The following MLH3 variants were observed in gnomAD, a reference collection of about 807,000 sequenced individuals.
The protein encoded by MLH3 is DNA mismatch repair protein Mlh3.
A neutral mutation model predicts 122.2 loss-of-function variants in MLH3; 82 were observed. The ratio of observed to expected loss-of-function variants is 0.67; its 90% CI spans 0.56 to 0.81. The LOEUF (loss-of-function observed/expected upper bound fraction) is 0.81. Ranked by LOEUF, MLH3 falls within the 30% of genes least tolerant of loss-of-function variation. MLH3 has a pLI of 0.00. For missense variants in MLH3, 1,539 were observed against 1,714.5 expected, an observed-to-expected ratio of 0.90 and a Z score of 1.81; for synonymous variants, 524 against 599.5, an observed-to-expected ratio of 0.87 and a Z score of 1.84.
intron 9 of MLH3, among the ~76,000 whole-genome samples, chr14:75,025,533 G>C (rs1483754016): frequency 6.6e-6 from 1 of 152,082 alleles, no homozygotes; most frequent in African/African-American, 2.4e-5. Flanking sequence ...GAGCTTTCCA[G>C]ACCTTTTCCA....
Position 75,048,343 on chromosome 14 carries a change from G to T in MLH3, c.1313C>A (p.Ala438Glu), listed in dbSNP as rs1343282239. 1.2e-6 allele frequency: 2 copies of T among 1,613,610 alleles called. No individual in the cohort carries two copies. Among genetic ancestry groups the T allele is most frequent in the African/African-American group, 1.3e-5 (1 of 74,916 alleles). The change falls in exon 2 of 13, where the codon GCA becomes GAA. Residue 438 changes from alanine to glutamate, a missense_variant. Ala to Glu is a moderately radical substitution (Grantham distance 107, BLOSUM62 -1). Transcript: ENST00000355774. Reference protein sequence around the residue: ...SEATRKNTNDAFLYIYESGGP... With the variant: ...SEATRKNTNDEFLYIYESGGP... ...ACCTGATTCATAAATGTACAAAAATGCATCATTTGTATTTTTTCTGGTAGC... is the reference window on the plus strand; with the variant it reads ...ACCTGATTCATAAATGTACAAAAATTCATCATTTGTATTTTTTCTGGTAGC...
Position 75,047,644 on chromosome 14 carries a change from T to C in MLH3, c.2012A>G (p.Asn671Ser). 1.9e-6 allele frequency: 3 copies of C among 1,614,042 alleles called. No individual in the cohort carries two copies. The highest frequency in any genetic ancestry group is 2.5e-6 in the Non-Finnish European group (3 of 1,179,962). Residue 671 changes from asparagine (N) to serine (S), a missense_variant, in exon 2 of 13, where the codon AAC becomes AGC. Coordinates refer to ENST00000355774, the MANE Select transcript of MLH3 (RefSeq NM_001040108.2). ...TATATTCGTTCTGCAATTTTTTTTG[T>C]TGGGCAATTGACCAGATTCTTTACT... The part of the protein sequence containing the change: ...TLSKESGQLP[N>S]KKNCRTNISY...
chr14:75,030,992 GCTGGCACTTAAGGGAGT>G (rs1891012211), intron 8 of MLH3, among the ~76,000 whole-genome samples: 2 of 152,226 alleles, frequency 1.3e-5, no homozygotes, highest in African/African-American at 4.8e-5. Context: ...ACTTCTGGCT[GCTGGCACTTAAGGGAGT>G]CTGGCATGAA....
intron 6 of MLH3, 107 bp from the exon 7 acceptor site, chr14:75,033,597 G>T: frequency 1.2e-6 from 1 of 805,014 alleles, no homozygotes. Context: ...AACAGCATAA[G>T]ACAAAACATT....
chr14:75,027,688 A>AAAAAAAAAAAAAAC (rs1566580542), intron 9 of MLH3, among the ~76,000 whole-genome samples: 1 of 134,546 alleles, frequency 7.4e-6, no homozygotes, highest in Non-Finnish European at 1.6e-5. Flanking sequence ...AAAAAAAAAA[A>AAAAAAAAAAAAAAC]AAAAAACCCA....
At chr14:75,022,674 T>C (rs1890361469) in intron 11 of MLH3, 140 bp downstream of exon 11, 1 of 853,898 alleles carries the variant, frequency 1.2e-6, no homozygotes, top group Non-Finnish European at 2.0e-6. Flanking sequence ...TTTAAAAGGG[T>C]ATATTCAGTT....
intron 9 of MLH3, 26 bp downstream of exon 9, chr14:75,030,516 TC>T (rs1341946479): frequency 6.2e-7 from 1 of 1,611,542 alleles, no homozygotes; most frequent in East Asian, 2.2e-5. Flanking sequence ...CTCAGCAATT[TC>T]CTTAACATCT....
chr14:75,019,073 CAT>C, intron 11 of MLH3, 93 bp from the exon 12 acceptor site: 3 of 1,179,990 alleles, frequency 2.5e-6, no homozygotes, highest in South Asian at 2.5e-5. Context: ...GAAAAAGTAA[CAT>C]GTTTCTTAGG....
Position 75,048,140 on chromosome 14 carries a change from C to T in MLH3, c.1516G>A (p.Glu506Lys). The T allele has an allele frequency of 6.2e-7, 1 of 1,614,198 alleles. No individual in the cohort carries two copies. The highest frequency in any genetic ancestry group is 8.5e-7 in the Non-Finnish European group (1 of 1,180,012). The change falls in exon 2 of 13, where the codon GAA becomes AAA. Residue 506 changes from glutamate to lysine, a missense_variant. By Grantham distance (56) the Glu-to-Lys change is moderately conservative. Coordinates refer to ENST00000355774, the MANE Select transcript of MLH3 (RefSeq NM_001040108.2). Reference sequence around the variant, plus strand: ...GTCTGAAAAGGGCTTAAAAACATTTCTAAACTGGTTCCACACGGATTTTCT... The same window carrying T: ...GTCTGAAAAGGGCTTAAAAACATTTTTAAACTGGTTCCACACGGATTTTCT... The part of the protein sequence containing the change: ...SLENPCGTSL[E>K]MFLSPFQTPC...
chr14:75,041,161 T>C (rs1385775015), intron 4 of MLH3, among the ~76,000 whole-genome samples: 1 of 152,194 alleles, frequency 6.6e-6, no homozygotes, highest in Non-Finnish European at 1.5e-5. Context: ...CTTGAACTTC[T>C]GGCCTCAAGT....
chr14:75,046,760 A>G lies in MLH3; in HGVS notation c.2896T>C (p.Ser966Pro), dbSNP rs17782839. Reference protein sequence around the residue: ...NSNTTENCVISETPLVLPYNN... With the variant: ...NSNTTENCVIPETPLVLPYNN... The stretch of plus-strand genomic sequence containing the variant: ...TAGGGCAATACCAAAGGAGTTTCTG[A>G]TATCACACAGTTCTCTGTTGTATTG... The change falls in exon 2 of 13, where the codon TCA becomes CCA. Residue 966 changes from serine (S) to proline (P), a missense_variant. Transcript: ENST00000355774. 0.016 allele frequency: 26,106 copies of G among 1,614,142 alleles called. 341 individuals carry two copies. The highest frequency in any genetic ancestry group is 0.042 in the South Asian group (3,795 of 91,080).
rs1892413384 is a variant in MLH3, at chr14:75,048,344, C to A, written c.1312G>T (p.Ala438Ser). Reference protein sequence around the residue: ...SEATRKNTNDAFLYIYESGGP... With the variant: ...SEATRKNTNDSFLYIYESGGP... ...CCTGATTCATAAATGTACAAAAATG[C>A]ATCATTTGTATTTTTTCTGGTAGCT... The change falls in exon 2 of 13, where the codon GCA (alanine) becomes TCA (serine). Residue 438 changes from alanine to serine, a missense_variant. Ala to Ser is a moderately conservative substitution (Grantham distance 99, BLOSUM62 1). Transcript: ENST00000355774. 1.2e-6 allele frequency: 2 copies of A among 1,613,804 alleles called. No homozygotes were observed. The highest frequency in any genetic ancestry group is 1.7e-6 in the Non-Finnish European group (2 of 1,179,948).
Position 75,040,449 on chromosome 14 carries a change from CAAAAAAAAAAAAAAAAA to C in MLH3, c.3466-451_3466-435del, listed in dbSNP as rs36233766. 2.0e-4 allele frequency among the ~76,000 whole-genome samples: 7 copies of C among 35,590 alleles called. No individual in the cohort carries two copies. The Admixed American group carries it at 2.7e-3, about 14-fold the overall frequency. 23.3% of individuals were successfully genotyped at this position (35,590 alleles called of 152,430 possible). On this transcript the variant is annotated intron_variant, in intron 4 of 12. Coordinates refer to ENST00000355774, the MANE Select transcript of MLH3 (RefSeq NM_001040108.2). Reference sequence around the variant, plus strand: ...TGGGCGACACAGCAAGACTCTGTCACAAAAAAAAAAAAAAAAAAAAAAAAAAAAAAAAAAATTCAAAA... The same window carrying C: ...TGGGCGACACAGCAAGACTCTGTCACAAAAAAAAAAAAAAAAAATTCAAAA...
chr14:75,044,856 G>A lies in MLH3; in HGVS notation c.3280+1520C>T, dbSNP rs953910882. Among the ~76,000 whole-genome samples, 81 of 152,022 alleles carry A rather than the reference G, an allele frequency of 5.3e-4. 1 individual carries two copies. The highest frequency in any genetic ancestry group is 1.6e-4 in the Non-Finnish European group (11 of 68,010). ...CTGCAGCATTCAAAATTTTAAATACGGATACAGATGTAATGTTTATCCTCC... is the reference window on the plus strand; with the variant it reads ...CTGCAGCATTCAAAATTTTAAATACAGATACAGATGTAATGTTTATCCTCC... On this transcript the variant is annotated intron_variant, in intron 2 of 12. Coordinates refer to ENST00000355774, the MANE Select transcript of MLH3 (RefSeq NM_001040108.2).
At chr14:75,019,410 CAAAAAAAAAAAAAAA>C (rs11306878) in intron 11 of MLH3, among the ~76,000 whole-genome samples, 1 of 68,634 alleles carries the variant, frequency 1.5e-5, no homozygotes, top group Non-Finnish European at 2.8e-5. Flanking sequence ...ACTCCGTTCT[CAAAAAAAAAAAAAAA>C]AAAAAAAAAA....
chr14:75,021,652 G>T (rs183173480), intron 11 of MLH3, among the ~76,000 whole-genome samples: 2 of 152,276 alleles, frequency 1.3e-5, no homozygotes, highest in Non-Finnish European at 2.9e-5. Flanking sequence ...AGTCAGAATG[G>T]CTGGTATTAA....
rs749573797 is a variant in MLH3 at position 75,015,107 on chromosome 14, A to G, written c.*1975T>C. ...ACCTTAAAGCACAATATAGGTATTA[A>G]TGATTACTATTATAAATTACATGTA... is the stretch of plus-strand genomic sequence containing the variant. On this transcript the variant is annotated 3_prime_UTR_variant, in exon 13 of 13. Coordinates refer to ENST00000355774, the MANE Select transcript of MLH3 (RefSeq NM_001040108.2). The G allele has an allele frequency of 5.7e-6, 1 of 174,364 alleles. No homozygotes were observed. Among genetic ancestry groups the G allele is most frequent in the African/African-American group, 2.4e-5 (1 of 42,156 alleles). 10.8% of individuals were successfully genotyped at this position (174,364 alleles called of 1,614,324 possible).
chr14:75,027,207 C>T (rs887296534), intron 9 of MLH3, among the ~76,000 whole-genome samples: 4 of 151,990 alleles, frequency 2.6e-5, no homozygotes, highest in African/African-American at 9.7e-5. Flanking sequence ...GCTAGATAAT[C>T]ATGCAAGTAT....
At chr14:75,024,179 AT>A (rs1358914671) in intron 9 of MLH3, among the ~76,000 whole-genome samples, 2 of 152,166 alleles carry the variant, frequency 1.3e-5, no homozygotes, top group East Asian at 3.9e-4. Flanking sequence ...TTTTTATTTT[AT>A]TTTTTATTTA....
Sources: gnomAD v4.1 joint callset for allele counts (sites outside exome capture counted in the v4.1 genomes callset) on GRCh38, gnomAD v4.1.1 for gene constraint, MANE v1.5 for transcripts, NCBI Gene and HGNC (gene_info 2026-07-23, HGNC 2026-07-21) for gene names.